BCL2L13: variants seen among roughly 807,000 people sequenced by gnomAD.
BCL2L13 encodes BCL2 like 13.
Under a neutral mutation model 25.8 loss-of-function variants are expected in BCL2L13, and 13 were observed. The ratio of observed to expected loss-of-function variants is 0.50; its 90% confidence interval spans 0.33 to 0.80. The LOEUF (loss-of-function observed/expected upper bound fraction) is 0.80. BCL2L13 is among the 30% of genes least tolerant of loss of function. The probability of loss-of-function intolerance (pLI) is 0.02; values close to 1 mark genes in which losing one functional copy is unlikely to be tolerated. For synonymous variants in BCL2L13, 244 were observed against 230.3 expected (o/e 1.06, Z -0.54); for missense variants, 504 against 574.9 (o/e 0.88, Z 1.26).
intron 1 of BCL2L13, among the ~76,000 whole-genome samples, chr22:17,631,165 C>T (rs905221542): frequency 2.6e-5 from 4 of 150,954 alleles, no homozygotes; most frequent in African/African-American, 4.9e-5. Context: ...GGTGCAAACT[C>T]GGCTCACTGC....
At chr22:17,725,458 G>T (rs1427315060) in intron 6 of BCL2L13, among the ~76,000 whole-genome samples, 6 of 152,172 alleles carry the variant, frequency 3.9e-5, no homozygotes, top group African/African-American at 1.4e-4. Context: ...TGATAGAAAT[G>T]CTAGTCCCTC....
chr22:17,706,710 T>C, intron 6 of BCL2L13: 1 of 1,351,514 alleles, frequency 7.4e-7, no homozygotes, highest in Non-Finnish European at 9.8e-7. Flanking sequence ...TGTGCTGTGA[T>C]TCTCCCTGAG....
intron 6 of BCL2L13, among the ~76,000 whole-genome samples, chr22:17,712,202 A>C (rs1428234630): frequency 2.0e-5 from 3 of 152,212 alleles, no homozygotes; most frequent in African/African-American, 7.2e-5. Context: ...AGATTTACTC[A>C]GTATTGTATA....
intron 2 of BCL2L13, among the ~76,000 whole-genome samples, chr22:17,662,458 A>G (rs1331490949): frequency 6.6e-6 from 1 of 152,218 alleles, no homozygotes; most frequent in Non-Finnish European, 1.5e-5. Flanking sequence ...AGCCTAGGCG[A>G]CAGAGTGAGA....
chr22:17,697,459 C>G (rs897454740), intron 5 of BCL2L13, among the ~76,000 whole-genome samples: 6 of 152,050 alleles, frequency 3.9e-5, no homozygotes, highest in African/African-American at 1.4e-4. Context: ...AAAATTTCAA[C>G]TTTTATTTTA....
Position 17,727,234 on chromosome 22 carries a change from A to C in BCL2L13, c.1158A>C (p.Lys386Asn). Reference protein sequence around the residue: ...LFVELDEEEVKAATTEPTEVE... With the variant: ...LFVELDEEEVNAATTEPTEVE... Reference sequence around the variant, plus strand: ...TAGAACTTGATGAAGAAGAGGTGAAAGCAGCAACAACTGAACCTACTGAAG... The same window carrying C: ...TAGAACTTGATGAAGAAGAGGTGAACGCAGCAACAACTGAACCTACTGAAG... Residue 386 changes from lysine to asparagine, a missense_variant, in exon 7 of 7, where the codon AAA becomes AAC. Physicochemically the swap from Lys to Asn is moderately conservative, Grantham distance 94 (BLOSUM62 0). Transcript: ENST00000317582. 1 of 1,614,250 alleles carries C rather than the reference A, an allele frequency of 6.2e-7. No homozygotes were observed. Among genetic ancestry groups the C allele is most frequent in the Non-Finnish European group, 8.5e-7 (1 of 1,180,040 alleles).
chr22:17,711,121 C>G (rs2060745836), intron 6 of BCL2L13, among the ~76,000 whole-genome samples: 1 of 151,882 alleles, frequency 6.6e-6, no homozygotes, highest in Non-Finnish European at 1.5e-5. Context: ...ACTCAAGAGG[C>G]TGAGGTGGGA....
At chr22:17,637,509 G>A (rs1346296053), upstream of BCL2L13, among the ~76,000 whole-genome samples, 1 of 151,742 alleles carries the variant, frequency 6.6e-6, no homozygotes, top group Non-Finnish European at 1.5e-5. Flanking sequence ...CAAGTAGCTG[G>A]GATTACAGGC....
At chr22:17,640,854 A>AAT (rs1221709135) in intron 1 of BCL2L13, among the ~76,000 whole-genome samples, 8 of 150,836 alleles carry the variant, frequency 5.3e-5, no homozygotes, top group African/African-American at 1.7e-4. Context: ...TGACTCAAAA[A>AAT]ATATATATAT....
At chr22:17,654,345 C>T (rs1044531430) in intron 1 of BCL2L13, among the ~76,000 whole-genome samples, 3 of 152,154 alleles carry the variant, frequency 2.0e-5, no homozygotes, top group Non-Finnish European at 1.5e-5. Flanking sequence ...AATCAACCTG[C>T]CTCTGCCTCC....
At chr22:17,665,131 G>A (rs988037665) in intron 2 of BCL2L13, among the ~76,000 whole-genome samples, 11 of 152,086 alleles carry the variant, frequency 7.2e-5, no homozygotes, top group Non-Finnish European at 1.6e-4. Flanking sequence ...GCTTCCTCTT[G>A]AAGCTTTGTT....
chr22:17,666,495 C>T (rs993486250), intron 2 of BCL2L13, among the ~76,000 whole-genome samples: 2 of 151,956 alleles, frequency 1.3e-5, no homozygotes, highest in African/African-American at 4.8e-5. Flanking sequence ...CCCCAGACCC[C>T]CATTACCCTT....
chr22:17,716,237 G>A (rs2060942178), intron 6 of BCL2L13, among the ~76,000 whole-genome samples: 1 of 152,180 alleles, frequency 6.6e-6, no homozygotes, highest in African/African-American at 2.4e-5. Flanking sequence ...AGCCGGATCA[G>A]GGTCTTAAAC....
intron 4 of BCL2L13, among the ~76,000 whole-genome samples, chr22:17,695,032 TGTGGCCAC>T (rs879373304): frequency 0.053 from 8,055 of 152,248 alleles, 356 homozygotes; most frequent in African/African-American, 0.12. Flanking sequence ...CTGCTACAGG[TGTGGCCAC>T]GTAGCAATGC....
upstream of BCL2L13, among the ~76,000 whole-genome samples, chr22:17,637,456 C>A (rs1205707796): frequency 2.7e-5 from 4 of 150,064 alleles, no homozygotes; most frequent in Non-Finnish European, 5.9e-5. Flanking sequence ...TTCACTGCAA[C>A]CTTTGCCTCC....
rs146617951 is a variant in BCL2L13, at chr22:17,715,992, A to T, written c.601-10685A>T. ...TATTGAGCATTACTGTTTGCTCAGC[A>T]TATGTTAGGCATTACCTGGGGGATA... On this transcript the variant is annotated intron_variant, in intron 6 of 6. Coordinates refer to ENST00000317582, the MANE Select transcript of BCL2L13 (RefSeq NM_015367.4). Among the ~76,000 whole-genome samples, 464 of 152,348 alleles carry T rather than the reference A, an allele frequency of 3.0e-3. 5 individuals carry two copies. Among genetic ancestry groups the T allele is most frequent in the African/African-American group, 0.01 (429 of 41,582 alleles).
rs923643477 is a variant in BCL2L13, at chr22:17,684,941, C to T, written c.229+1620C>T. Among the ~76,000 whole-genome samples the T allele has an allele frequency of 3.3e-5, 5 of 152,052 alleles. No individual in the cohort carries two copies. In the East Asian group the frequency reaches 7.7e-4, roughly 23 times the overall value. On this transcript the variant is annotated intron_variant, in intron 3 of 6. Transcript: ENST00000317582. ...TAGAGACGGGGTTTCAGCGTGTTAG[C>T]CAGGATGGTCTCGTTGATCTCCTGA...
rs1487482044 is a variant in BCL2L13, at chr22:17,724,789, TTGTA to T, written c.601-1885_601-1882del. ...AGCTTTTACGAGTGTTGTCTAGCCT[TTGTA>T]TGACAATTTCTGTACATCTCTGTGA... On this transcript the variant is annotated intron_variant, in intron 6 of 6. Coordinates refer to ENST00000317582, the MANE Select transcript of BCL2L13 (RefSeq NM_015367.4). Among the ~76,000 whole-genome samples, 3 of 152,232 alleles carry T rather than the reference TTGTA, an allele frequency of 2.0e-5. No individual in the cohort carries two copies. The East Asian group carries it at 5.8e-4, about 29-fold the overall frequency.
intron 6 of BCL2L13, among the ~76,000 whole-genome samples, chr22:17,718,099 A>C (rs1247779125): frequency 4.0e-5 from 6 of 148,556 alleles, no homozygotes; most frequent in African/African-American, 1.5e-4. Context: ...AAAGAAGAGA[A>C]GAGAAAAGAA....
Sources: allele counts gnomAD v4.1 joint callset (sites outside exome capture counted in the v4.1 genomes callset), GRCh38; gene constraint gnomAD v4.1.1; transcripts MANE v1.5; gene names NCBI Gene and HGNC (gene_info 2026-07-23, HGNC 2026-07-21).